NPAS3: variants seen among roughly 807,000 people sequenced by gnomAD.
NPAS3 encodes neuronal PAS domain-containing protein 3.
In NPAS3, 14 loss-of-function variants were observed where a neutral mutation model predicts 73.1. That is an observed-to-expected ratio of 0.19 (90% confidence interval 0.13 to 0.30). The LOEUF is 0.30. Among genes scored for constraint, NPAS3 ranks in the 10% least tolerant of loss-of-function variants. The pLI is 1.00. For synonymous variants in NPAS3, 620 were observed against 541.5 expected, an observed-to-expected ratio of 1.14 and a Z score of -2.01; for missense variants, 1,096 against 1,250.0, an observed-to-expected ratio of 0.88 and a Z score of 1.86.
At chr14:33,186,098 T>G (rs1045330513) in intron 2 of NPAS3, among the ~76,000 whole-genome samples, 9 of 151,920 alleles carry the variant, frequency 5.9e-5, no homozygotes, top group African/African-American at 2.2e-4. Flanking sequence ...ACAAGTAGAC[T>G]CCCCCCCACC....
intron 4 of NPAS3, among the ~76,000 whole-genome samples, chr14:33,475,549 TAA>T (rs5807728): frequency 7.7e-4 from 87 of 112,622 alleles, no homozygotes; most frequent in Admixed American, 9.9e-4. Context: ...AACTAAGATC[TAA>T]AAAAAAAAAA....
intron 3 of NPAS3, among the ~76,000 whole-genome samples, chr14:33,346,719 C>G (rs1026885428): frequency 5.3e-5 from 8 of 152,062 alleles, no homozygotes; most frequent in Non-Finnish European, 1.0e-4. Context: ...TCCGCAAAGC[C>G]TGTATACCCA....
At chr14:33,177,071 T>TTTTTTA (rs1174345534) in intron 2 of NPAS3, among the ~76,000 whole-genome samples, 11 of 138,316 alleles carry the variant, frequency 8.0e-5, no homozygotes, top group South Asian at 4.6e-4. Context: ...TGTTTATCTT[T>TTTTTTA]TTATTATTAT....
chr14:33,656,144 T>G (rs2059139612), intron 5 of NPAS3, among the ~76,000 whole-genome samples: 1 of 152,186 alleles, frequency 6.6e-6, no homozygotes, highest in South Asian at 2.1e-4. Flanking sequence ...TTGAAAAGCA[T>G]TGTGTTTGAG....
intron 6 of NPAS3, among the ~76,000 whole-genome samples, chr14:33,681,353 G>GCAAGGGAAACCATCTTACTAACCC (rs1308881174): frequency 6.6e-6 from 1 of 152,104 alleles, no homozygotes; most frequent in African/African-American, 2.4e-5. Context: ...TAGAAGTTAG[G>GCAAGGGAAACCATCTTACTAACCC]CAAGGGAAAC....
chr14:32,993,509 C>G (rs1034767200), intron 1 of NPAS3, among the ~76,000 whole-genome samples: 4 of 152,054 alleles, frequency 2.6e-5, no homozygotes, highest in African/African-American at 9.7e-5. Context: ...AAATTATAAG[C>G]AAATGCGCAA....
Position 33,797,590 on chromosome 14 carries a change from C to T in NPAS3, c.1426+9C>T. On this transcript the variant is annotated intron_variant, in intron 11 of 11. Transcript: ENST00000356141. ...CACCTCAGGTATTACAGGTATTATT[C>T]CTTCTTTTCCATGTTCTTCAGTGAA... The T allele has an allele frequency of 1.2e-6, 2 of 1,613,536 alleles. No homozygotes were observed. The highest frequency in any genetic ancestry group is 8.5e-7 in the Non-Finnish European group (1 of 1,179,616).
exon 8 of NPAS3, chr14:33,774,339 G>A: frequency 6.2e-7 from 1 of 1,613,150 alleles, no homozygotes; most frequent in Non-Finnish European, 8.5e-7. Context: ...TTTTACAGGT[G>A]ATTCACATAA....
At position 33,571,848 on chromosome 14, in the gene NPAS3, A is replaced by G. The variant is rs548669271; in HGVS notation, c.558+11638A>G. On this transcript the variant is annotated intron_variant, in intron 5 of 11. Coordinates refer to ENST00000356141, the Ensembl canonical transcript of NPAS3. ...CACTCGAAATTGAAAGGCTTTTGGT[A>G]ATAGCAATTATACAAAAACAAGGGT... Among the ~76,000 whole-genome samples, 4 of 152,350 alleles carry G rather than the reference A, an allele frequency of 2.6e-5. No individual in the cohort carries two copies. The South Asian group carries it at 8.3e-4, about 32-fold the overall frequency.
At chr14:33,622,850 CAAGA>C (rs572307962) in intron 5 of NPAS3, among the ~76,000 whole-genome samples, 191 of 152,234 alleles carry the variant, frequency 1.3e-3, no homozygotes, top group African/African-American at 4.4e-3. Flanking sequence ...CCCAATCAGT[CAAGA>C]ATGCATTAAG....
intron 7 of NPAS3, among the ~76,000 whole-genome samples, chr14:33,765,123 ATTATAG>A (rs1205785768): frequency 5.3e-5 from 8 of 152,204 alleles, no homozygotes; most frequent in Admixed American, 4.6e-4. Context: ...TAAAGCTGTA[ATTATAG>A]TTATATTTTT....
intron 1 of NPAS3, among the ~76,000 whole-genome samples, chr14:32,946,433 C>T (rs1008933446): frequency 7.3e-5 from 11 of 150,804 alleles, no homozygotes; most frequent in African/African-American, 9.7e-5. Context: ...ACTTTTTTTC[C>T]TCTATGCCAG....
At chr14:33,073,136 G>C (rs1055898278) in intron 2 of NPAS3, among the ~76,000 whole-genome samples, 1 of 151,996 alleles carries the variant, frequency 6.6e-6, no homozygotes, top group Non-Finnish European at 1.5e-5. Context: ...TGTTGAGGGA[G>C]GATGTGGTCA....
intron 1 of NPAS3, among the ~76,000 whole-genome samples, chr14:33,000,045 G>T (rs2038747616): frequency 6.6e-6 from 1 of 152,190 alleles, no homozygotes; most frequent in African/African-American, 2.4e-5. Context: ...CCTTCACTCT[G>T]CTGGGGGAAT....
intron 2 of NPAS3, among the ~76,000 whole-genome samples, chr14:33,140,088 T>C (rs1238305474): frequency 6.6e-6 from 1 of 152,214 alleles, no homozygotes; most frequent in Non-Finnish European, 1.5e-5. Flanking sequence ...CATTTTTCGG[T>C]AGGCCTATGA....
At chr14:33,042,078 A>G (rs868325078) in intron 1 of NPAS3, among the ~76,000 whole-genome samples, 1 of 152,112 alleles carries the variant, frequency 6.6e-6, no homozygotes, top group Non-Finnish European at 1.5e-5. Flanking sequence ...CTATGGGGCA[A>G]TTGGGCCGGT....
In NPAS3 at chr14:33,203,833, T is replaced by A. The variant is rs1330484454; in HGVS notation, c.141-11349T>A. On this transcript the variant is annotated intron_variant, in intron 2 of 11. Transcript: ENST00000356141. ...CATGATTTATAATCCTTTGGGTATA[T>A]AACCAGTAATGGGATGGCTGGGTCA... Among the ~76,000 whole-genome samples, 6 of 152,184 alleles carry A rather than the reference T, an allele frequency of 3.9e-5. No individual in the cohort carries two copies. The East Asian group carries it at 1.2e-3, about 29-fold the overall frequency.
intron 3 of NPAS3, among the ~76,000 whole-genome samples, chr14:33,242,243 G>C (rs1381558052): frequency 6.6e-6 from 1 of 151,976 alleles, no homozygotes; most frequent in Non-Finnish European, 1.5e-5. Flanking sequence ...ATGTATTTTG[G>C]TTTATAGTTC....
At chr14:33,021,591 C>T (rs925643154) in intron 1 of NPAS3, among the ~76,000 whole-genome samples, 3 of 152,116 alleles carry the variant, frequency 2.0e-5, no homozygotes, top group African/African-American at 7.2e-5. Flanking sequence ...CACCCACCCC[C>T]TTGCCCCTCT....
Sources: allele counts gnomAD v4.1 joint callset (sites outside exome capture counted in the v4.1 genomes callset), GRCh38; gene constraint gnomAD v4.1.1; transcripts MANE v1.5; gene names NCBI Gene and HGNC (gene_info 2026-07-23, HGNC 2026-07-21).